The following CPVL variants were observed in gnomAD, a reference collection of about 807,000 sequenced individuals.
CPVL encodes the protein carboxypeptidase vitellogenic like.
A neutral mutation model predicts 63.7 loss-of-function variants in CPVL; 51 were observed. That is an observed-to-expected ratio of 0.80 (90% CI 0.64 to 1.01). The LOEUF (loss-of-function observed/expected upper bound fraction) is 1.01. Among genes scored for constraint, CPVL ranks in the 50% least tolerant of loss-of-function variants. The pLI is 0.00. For synonymous variants in CPVL, 195 were observed against 206.0 expected (o/e 0.95, Z 0.46); for missense variants, 530 against 573.1 (o/e 0.92, Z 0.77).
At chr7:29,086,040 T>C (rs1785166156) in intron 7 of CPVL, among the ~76,000 whole-genome samples, 1 of 152,150 alleles carries the variant, frequency 6.6e-6, no homozygotes, top group Non-Finnish European at 1.5e-5. Flanking sequence ...ATGCCTGTAA[T>C]CCCAGCACTT....
chr7:29,137,015 C>A (rs977404749), intron 1 of CPVL, among the ~76,000 whole-genome samples: 1 of 152,152 alleles, frequency 6.6e-6, no homozygotes, highest in African/African-American at 2.4e-5. Flanking sequence ...TGTGACTTGC[C>A]TGGACTACTG....
intron 1 of CPVL, chr7:29,194,476 G>T (rs545843249): frequency 6.3e-6 from 1 of 157,692 alleles, no homozygotes; most frequent in African/African-American, 2.4e-5. Flanking sequence ...CGCTCTGTCT[G>T]TCCGTCTCCC....
intron 7 of CPVL, among the ~76,000 whole-genome samples, chr7:29,079,996 C>T (rs1440028322): frequency 6.6e-6 from 1 of 152,052 alleles, no homozygotes; most frequent in Non-Finnish European, 1.5e-5. Flanking sequence ...GAAATAGAAG[C>T]TGTGCACAAT....
intron 1 of CPVL, among the ~76,000 whole-genome samples, chr7:29,121,837 C>T (rs1388574077): frequency 6.6e-6 from 1 of 151,932 alleles, no homozygotes; most frequent in African/African-American, 2.4e-5. Flanking sequence ...AGAACAACAA[C>T]AACAAAAACA....
intron 2 of CPVL, among the ~76,000 whole-genome samples, chr7:29,119,540 T>C (rs1490180389): frequency 6.6e-6 from 1 of 151,086 alleles, no homozygotes; most frequent in African/African-American, 2.4e-5. Flanking sequence ...TTTTAGCCTC[T>C]GATAACACTA....
chr7:29,066,213 ACTT>A (rs1236007294), intron 9 of CPVL, 92 bp from the exon 10 acceptor site: 6 of 722,116 alleles, frequency 8.3e-6, no homozygotes, highest in Non-Finnish European at 1.4e-5. Context: ...TTATTCAACA[ACTT>A]TTTCATTCCT....
intron 11 of CPVL, among the ~76,000 whole-genome samples, chr7:29,032,791 A>C (rs1350412485): frequency 2.0e-5 from 3 of 152,200 alleles, no homozygotes; most frequent in Non-Finnish European, 4.4e-5. Flanking sequence ...CTTTACTGAC[A>C]ATCATTACTA....
chr7:29,191,697 A>G (rs933767810), intron 1 of CPVL: 5 of 152,274 alleles, frequency 3.3e-5, no homozygotes, highest in Admixed American at 3.3e-4. Flanking sequence ...TTAAAATTCT[A>G]CTTTCCAAAC....
At chr7:29,060,656 G>A (rs991335290) in intron 11 of CPVL, among the ~76,000 whole-genome samples, 5 of 152,168 alleles carry the variant, frequency 3.3e-5, no homozygotes, top group South Asian at 2.1e-4. Flanking sequence ...AGAAACTAAC[G>A]TAGTTTACAG....
At chr7:29,128,902 T>C (rs1790377438) in intron 1 of CPVL, among the ~76,000 whole-genome samples, 1 of 152,012 alleles carries the variant, frequency 6.6e-6, no homozygotes, top group Non-Finnish European at 1.5e-5. Context: ...TTACTGTGGG[T>C]TGGCGGGCAC....
At chr7:29,179,285 C>T (rs1797770020) in intron 5 of CPVL, among the ~76,000 whole-genome samples, 1 of 152,214 alleles carries the variant, frequency 6.6e-6, no homozygotes, top group Admixed American at 6.5e-5. Context: ...AGAACCACCC[C>T]ATCCCACGCC....
At chr7:29,137,240 G>C (rs1791320434) in intron 1 of CPVL, among the ~76,000 whole-genome samples, 1 of 152,148 alleles carries the variant, frequency 6.6e-6, no homozygotes, top group African/African-American at 2.4e-5. Flanking sequence ...GAAAGAGAAA[G>C]GAGAACACTT....
At chr7:29,161,332 C>T (rs937149245) in intron 5 of CPVL, among the ~76,000 whole-genome samples, 2 of 152,156 alleles carry the variant, frequency 1.3e-5, no homozygotes, top group East Asian at 3.9e-4. Flanking sequence ...TATAGCACAT[C>T]TTTCTCCTGG....
chr7:29,184,173 ATAG>A (rs1798419316), intron 4 of CPVL, among the ~76,000 whole-genome samples: 1 of 151,248 alleles, frequency 6.6e-6, no homozygotes, highest in African/African-American at 2.4e-5. Flanking sequence ...AGATAGATAG[ATAG>A]ATAGATAGAT....
intron 5 of CPVL, among the ~76,000 whole-genome samples, chr7:29,158,813 A>G (rs530198326): frequency 2.6e-5 from 4 of 152,326 alleles, no homozygotes; most frequent in Admixed American, 1.3e-4. Flanking sequence ...TTAAATATTT[A>G]CAGATGCTTA....
At chr7:29,063,171 C>T (rs1782798476) in intron 11 of CPVL, among the ~76,000 whole-genome samples, 1 of 152,220 alleles carries the variant, frequency 6.6e-6, no homozygotes, top group Admixed American at 6.5e-5. Context: ...TGTGACCTCA[C>T]TCTCCACTGG....
At chr7:29,067,555 A>T (rs1472692842) in intron 9 of CPVL, among the ~76,000 whole-genome samples, 1 of 150,746 alleles carries the variant, frequency 6.6e-6, no homozygotes, top group Admixed American at 6.6e-5. Context: ...AGAGGACCAC[A>T]GGGACTGCAG....
chr7:29,167,712 A>G (rs1042994337), intron 5 of CPVL, among the ~76,000 whole-genome samples: 3 of 152,198 alleles, frequency 2.0e-5, no homozygotes, highest in Non-Finnish European at 4.4e-5. Flanking sequence ...AATCTGATAG[A>G]AAAAAACTGG....
intron 1 of CPVL, among the ~76,000 whole-genome samples, chr7:29,133,103 A>G (rs978750536): frequency 3.9e-5 from 6 of 152,086 alleles, no homozygotes; most frequent in Non-Finnish European, 7.4e-5. Context: ...TCCAAGGTGC[A>G]GACAACAGAA....
Sources: gnomAD v4.1 joint callset for allele counts (sites outside exome capture counted in the v4.1 genomes callset) on GRCh38, gnomAD v4.1.1 for gene constraint, MANE v1.5 for transcripts, NCBI Gene and HGNC (gene_info 2026-07-23, HGNC 2026-07-21) for gene names.